TMEM221: variants seen among roughly 807,000 people sequenced by gnomAD.
TMEM221 encodes the protein Putative transmembrane protein ENSP00000342162.
Under a neutral mutation model 10.2 loss-of-function variants are expected in TMEM221, and 11 were observed. The observed-to-expected ratio is 1.08, with a 90% confidence interval of 0.68 to 1.79. TMEM221 has a LOEUF of 1.79. Ranked by LOEUF, TMEM221 falls within the 40% of genes most tolerant of loss-of-function variation. TMEM221 has a pLI of 0.00. For synonymous variants in TMEM221, 172 were observed against 199.8 expected, an observed-to-expected ratio of 0.86 and a Z score of 1.18; for missense variants, 382 against 417.7, an observed-to-expected ratio of 0.91 and a Z score of 0.75.
At position 17,445,258 on chromosome 19, in the gene TMEM221, C is replaced by T. The variant is rs558870960; in HGVS notation, c.347G>A (p.Arg116His). The change falls in exon 2 of 3, where the codon CGC (arginine) becomes CAC (histidine). Residue 116 changes from arginine (R) to histidine (H), a missense_variant. By Grantham distance (29) the Arg-to-His change is conservative (BLOSUM62 0). Transcript: ENST00000341130. ...GCCAAGGGCCACATGTCTGAGGAGGCGGCAGTCGTAGAGAAACCAGTCAGA... is the reference window on the plus strand; with the variant it reads ...GCCAAGGGCCACATGTCTGAGGAGGTGGCAGTCGTAGAGAAACCAGTCAGA... ...RRSDWFLYDC[R>H]LLRHVALGLF... The T allele has an allele frequency of 5.9e-6, 9 of 1,535,666 alleles. No homozygotes were observed. Among genetic ancestry groups the T allele is most frequent in the South Asian group, 3.6e-5 (3 of 84,040 alleles).
intron 2 of TMEM221, among the ~76,000 whole-genome samples, chr19:17,443,993 T>TC (rs1491257482): frequency 6.7e-6 from 1 of 149,440 alleles, no homozygotes; most frequent in East Asian, 1.9e-4. Context: ...TTTTTTTTTT[T>TC]CTCAAGCCAT....
chr19:17,438,463 G>T (rs1185291975), intron 2 of TMEM221, among the ~76,000 whole-genome samples: 2 of 152,114 alleles, frequency 1.3e-5, no homozygotes, highest in East Asian at 1.9e-4. Flanking sequence ...AGCGCAAGTG[G>T]TCCTCTAGCC....
chr19:17,447,454 T>A (rs1490197566), intron 1 of TMEM221, among the ~76,000 whole-genome samples: 2 of 152,184 alleles, frequency 1.3e-5, no homozygotes, highest in Non-Finnish European at 2.9e-5. Context: ...TGCTGACCCG[T>A]GGGACCCATG....
Position 17,448,141 on chromosome 19 carries a change from A to G in TMEM221, c.320+2T>C. On this transcript the variant is annotated splice_donor_variant, in intron 1 of 2. Coordinates refer to ENST00000341130, the MANE Select transcript of TMEM221 (RefSeq NM_001190844.2). LOFTEE classifies it high-confidence loss of function. This position sits in a 1 kb window ranked among gnomAD's most constrained non-coding sequence, Gnocchi z 4.7. ...CCGAGGCGGTGAGGCCAGTCCTCCT[A>G]CCTCCTGGGGCCAGGCCCCCGCGCC... 2 of 1,387,826 alleles carry G rather than the reference A, an allele frequency of 1.4e-6. No individual in the cohort carries two copies. Among genetic ancestry groups the G allele is most frequent in the Admixed American group, 3.6e-5 (1 of 28,024 alleles). The allele number at this position is 1,387,826 out of a possible 1,614,324, so 86.0% of individuals were successfully genotyped here.
intron 2 of TMEM221, among the ~76,000 whole-genome samples, chr19:17,441,844 TGGCTGGAAACA>T (rs1568397888): frequency 3.4e-5 from 5 of 147,976 alleles, no homozygotes; most frequent in Non-Finnish European, 4.5e-5. Flanking sequence ...TTTTTTTTTT[TGGCTGGAAACA>T]TTTTGAAAGG....
rs973331617 is a variant in TMEM221, at chr19:17,437,682, C to T, written c.407-755G>A. Among the ~76,000 whole-genome samples, 8 of 152,124 alleles carry T rather than the reference C, an allele frequency of 5.3e-5. No individual in the cohort carries two copies. The East Asian group carries it at 1.5e-3, about 29-fold the overall frequency. On this transcript the variant is annotated intron_variant, in intron 2 of 2. Coordinates refer to ENST00000341130, the MANE Select transcript of TMEM221 (RefSeq NM_001190844.2). ...GATGGAGGCTGCAGTGAGCCGAGAT[C>T]GCACCACTGCACTCCAGCCTGGGTG... is the stretch of plus-strand genomic sequence containing the variant.
intron 2 of TMEM221, among the ~76,000 whole-genome samples, chr19:17,443,025 T>C (rs944479268): frequency 7.3e-5 from 11 of 151,182 alleles, no homozygotes; most frequent in African/African-American, 2.7e-4. Context: ...ACGCCTGTAA[T>C]CCCAGCACTT....
rs749359489 is a variant in TMEM221 at position 17,445,155 on chromosome 19, C to T, written c.406+44G>A. 1.0e-5 allele frequency: 15 copies of T among 1,497,450 alleles called. No homozygotes were observed. In the East Asian group the frequency reaches 2.0e-4, roughly 20 times the overall value. The allele number at this position is 1,497,450 out of a possible 1,614,324, so 92.8% of individuals were successfully genotyped here. The stretch of plus-strand genomic sequence containing the variant: ...GTTAGGGGACCATTGCTGCTCTCTA[C>T]CCAGCCCAGGGTCCCATGCCCCACG... On this transcript the variant is annotated intron_variant, in intron 2 of 2. Transcript: ENST00000341130.
intron 1 of TMEM221, 94 bp from the exon 2 acceptor site, chr19:17,445,378 A>G: frequency 9.6e-7 from 1 of 1,044,826 alleles, no homozygotes; most frequent in African/African-American, 1.6e-5. Flanking sequence ...CGCTTAAATG[A>G]GACAAGGACC....
In TMEM221 at chr19:17,441,507, GC is replaced by G. The variant is rs2074931756; in HGVS notation, c.406+3691del. 2.0e-5 allele frequency among the ~76,000 whole-genome samples: 3 copies of G among 152,256 alleles called. No homozygotes were observed. The South Asian group carries it at 6.2e-4, about 32-fold the overall frequency. ...GATTTGGGATCACTAAGCCACTTTG[GC>G]ATCAATGATGTCCTCATTGGACCAA... On this transcript the variant is annotated intron_variant, in intron 2 of 2. Coordinates refer to ENST00000341130, the MANE Select transcript of TMEM221 (RefSeq NM_001190844.2).
chr19:17,436,412 A>T lies in TMEM221; in HGVS notation c.*46T>A, dbSNP rs567611874. On this transcript the variant is annotated 3_prime_UTR_variant, in exon 3 of 3. Transcript: ENST00000341130. ...TGCAGCTGAACCCGAACCTATCTCTATGGTATCCTTTTCTTACACCAGGTC... is the reference window on the plus strand; with the variant it reads ...TGCAGCTGAACCCGAACCTATCTCTTTGGTATCCTTTTCTTACACCAGGTC... The T allele has an allele frequency of 7.0e-6, 10 of 1,435,502 alleles. No individual in the cohort carries two copies. The highest frequency in any genetic ancestry group is 8.3e-6 in the Non-Finnish European group (9 of 1,089,110). The allele number at this position is 1,435,502 out of a possible 1,614,324, so 88.9% of individuals were successfully genotyped here.
intron 2 of TMEM221, among the ~76,000 whole-genome samples, chr19:17,438,356 G>A (rs2074918172): frequency 6.6e-6 from 1 of 152,080 alleles, no homozygotes; most frequent in African/African-American, 2.4e-5. Context: ...CCAAACTGCT[G>A]GGATTACAGG....
chr19:17,436,937 G>T lies in TMEM221; in HGVS notation c.407-10C>A. 1 of 1,341,716 alleles carries T rather than the reference G, an allele frequency of 7.5e-7. No homozygotes were observed. The highest frequency in any genetic ancestry group is 9.6e-7 in the Non-Finnish European group (1 of 1,039,236). 83.1% of individuals were successfully genotyped at this position (1,341,716 alleles called of 1,614,324 possible). On this transcript the variant is annotated splice_polypyrimidine_tract_variant and intron_variant, in intron 2 of 2. Transcript: ENST00000341130. ...GCATAGATGGACAGTGCTAGGGAAG[G>T]AAACGACTCTCATTTATTCAGTCAA...
rs117008413 is a variant in TMEM221, at chr19:17,436,737, G to A, written c.597C>T (p.Ala199=). The change falls in exon 3 of 3, where the codon GCC becomes GCT. Residue 199 remains alanine (A), a synonymous_variant. Coordinates refer to ENST00000341130, the MANE Select transcript of TMEM221 (RefSeq NM_001190844.2). ...CTCTGGGGCTGGCCTTGGAGACTTC[G>A]GCAGGGCGGGCGAGGTCGTCTTCAA... ...PSFEDDLARP[A]EVSKASPRAQ... The A allele has an allele frequency of 0.036, 54,226 of 1,526,384 alleles. 1,106 individuals carry two copies. The highest frequency in any genetic ancestry group is 0.04 in the Non-Finnish European group (46,168 of 1,141,040). The allele number at this position is 1,526,384 out of a possible 1,614,324, so 94.6% of individuals were successfully genotyped here.
At chr19:17,446,723 A>G (rs1166464710) in intron 1 of TMEM221, among the ~76,000 whole-genome samples, 3 of 151,638 alleles carry the variant, frequency 2.0e-5, no homozygotes, top group East Asian at 1.9e-4. Flanking sequence ...ACCATCTGCT[A>G]TTATTATTAT....
chr19:17,439,645 G>T (rs931427977), intron 2 of TMEM221, among the ~76,000 whole-genome samples: 1 of 151,400 alleles, frequency 6.6e-6, no homozygotes, highest in African/African-American at 2.4e-5. Context: ...CCGAGATCGC[G>T]CCGCTACCCT....
At chr19:17,445,765 T>G (rs200093882) in intron 1 of TMEM221, among the ~76,000 whole-genome samples, 4 of 151,782 alleles carry the variant, frequency 2.6e-5, no homozygotes, top group Non-Finnish European at 2.9e-5. Context: ...CATCCATCCA[T>G]CCACTTATCC....
chr19:17,441,378 G>A (rs1016793791), intron 2 of TMEM221, among the ~76,000 whole-genome samples: 20 of 151,814 alleles, frequency 1.3e-4, no homozygotes, highest in Non-Finnish European at 2.8e-4. Context: ...ACTCTGTGGC[G>A]ACCACCAAAA....
Position 17,448,578 on chromosome 19 carries a change from A to T in TMEM221, c.-116T>A. The T allele has an allele frequency of 9.8e-6, 7 of 717,374 alleles. No homozygotes were observed. Among genetic ancestry groups the T allele is most frequent in the East Asian group, 4.1e-5 (1 of 24,316 alleles). 44.4% of individuals were successfully genotyped at this position (717,374 alleles called of 1,614,324 possible). On this transcript the variant is annotated 5_prime_UTR_variant, in exon 1 of 3. Coordinates refer to ENST00000341130, the MANE Select transcript of TMEM221 (RefSeq NM_001190844.2). The surrounding 1 kb of genome is among the most constrained non-coding windows in gnomAD (Gnocchi z 4.7). The stretch of plus-strand genomic sequence containing the variant: ...GGGGTCCCCGAGGGGGCGGGGCCGC[A>T]GGGAGTGTCTGAAAGTTCGGGGACT...
Sources: gnomAD v4.1 joint callset for allele counts (sites outside exome capture counted in the v4.1 genomes callset) on GRCh38, gnomAD v4.1.1 for gene constraint, Gnocchi (gnomAD v3.1) non-coding constraint, MANE v1.5 for transcripts, NCBI Gene and HGNC (gene_info 2026-07-23, HGNC 2026-07-21) for gene names.